The following ANO5 variants were observed in gnomAD, a reference collection of about 807,000 sequenced individuals.
ANO5 encodes anoctamin-5.
A neutral mutation model predicts 121.0 loss-of-function variants in ANO5; 109 were observed. That is an observed-to-expected ratio of 0.90 (90% CI 0.77 to 1.06). The LOEUF (loss-of-function observed/expected upper bound fraction) is 1.06. Ranked by LOEUF, ANO5 falls within the 50% of genes least tolerant of loss-of-function variation. The probability of loss-of-function intolerance (pLI) is 0.00; values close to 1 mark genes in which losing one functional copy is unlikely to be tolerated. For synonymous variants in ANO5, 406 were observed against 359.9 expected, an observed-to-expected ratio of 1.13 and a Z score of -1.45; for missense variants, 1,064 against 1,078.5, an observed-to-expected ratio of 0.99 and a Z score of 0.19.
At chr11:22,196,412 A>C (rs112109477) in intron 1 of ANO5, among the ~76,000 whole-genome samples, 196 of 152,148 alleles carry the variant, frequency 1.3e-3, no homozygotes, top group Non-Finnish European at 2.2e-3. Flanking sequence ...TCCTAATACC[A>C]TTACAATGAC....
intron 7 of ANO5, among the ~76,000 whole-genome samples, chr11:22,232,202 GTTCA>G (rs1428950841): frequency 6.6e-6 from 1 of 151,804 alleles, no homozygotes; most frequent in African/African-American, 2.4e-5. Flanking sequence ...ATGAACTTTT[GTTCA>G]TTCATTCTTT....
Position 22,257,748 on chromosome 11 carries a change from A to T in ANO5, c.1401A>T (p.Thr467=), listed in dbSNP as rs757450282. 6.2e-7 allele frequency: 1 copy of T among 1,609,690 alleles called. No homozygotes were observed. Among genetic ancestry groups the T allele is most frequent in the Non-Finnish European group, 8.5e-7 (1 of 1,176,172 alleles). ...ACTTTCTTTCAGGAGCCACAGTGAC[A>T]TTATGGGTGAGCATTTCTTTAAAAA... The part of the protein sequence containing the change: ...PWYFLSGATV[T]LWMSLVVTSM... Residue 467 remains threonine (T), a synonymous_variant, in exon 14 of 22, where the codon ACA becomes ACT. Transcript: ENST00000324559.
rs137996437 is a variant in ANO5 at position 22,261,040 on chromosome 11, C to T, written c.1631-1089C>T. On this transcript the variant is annotated intron_variant, in intron 15 of 21. Transcript: ENST00000324559. ...CAACACAATTCTGTTGGAAATCATC[C>T]CTGCCCTTGACATGAGCTTACTTTC... Among the ~76,000 whole-genome samples the T allele has an allele frequency of 2.6e-5, 4 of 152,224 alleles. No homozygotes were observed. The East Asian group carries it at 5.8e-4, about 22-fold the overall frequency.
rs1268028191 is a variant in ANO5, at chr11:22,274,587, A to T, written c.2254A>T (p.Thr752Ser). The change falls in exon 20 of 22, where the codon ACG becomes TCG. Residue 752 changes from threonine to serine, a missense_variant. By Grantham distance (58) the Thr-to-Ser change is moderately conservative. Transcript: ENST00000324559. ...VATNAFIVAF[T>S]SDIIPRLVYY... is the part of the protein sequence containing the mutation. ...TCTTCAGGCCTTTATTGTTGCATTT[A>T]CGTCAGACATCATTCCCCGTCTAGT... The T allele has an allele frequency of 6.3e-7, 1 of 1,599,812 alleles. No homozygotes were observed. The highest frequency in any genetic ancestry group is 8.5e-7 in the Non-Finnish European group (1 of 1,170,766).
chr11:22,203,080 T>C (rs1307305296), intron 1 of ANO5, among the ~76,000 whole-genome samples: 1 of 152,128 alleles, frequency 6.6e-6, no homozygotes, highest in Non-Finnish European at 1.5e-5. Context: ...CATTCGCCAG[T>C]TTTTCTATCG....
rs190094989 is a variant in ANO5, at chr11:22,246,690, C to A, written c.879-3547C>A. Among the ~76,000 whole-genome samples, 4 of 151,344 alleles carry A rather than the reference C, an allele frequency of 2.6e-5. No homozygotes were observed. In the South Asian group the frequency reaches 6.3e-4, roughly 24 times the overall value. On this transcript the variant is annotated intron_variant, in intron 9 of 21. Coordinates refer to ENST00000324559, the MANE Select transcript of ANO5 (RefSeq NM_213599.3). ...CGTTTCTACCTAAAAAATAATAATACTACTACTACAAAAATTACCCCAGCG... is the reference window on the plus strand; with the variant it reads ...CGTTTCTACCTAAAAAATAATAATAATACTACTACAAAAATTACCCCAGCG...
At chr11:22,206,285 G>T (rs1564911500) in intron 2 of ANO5, among the ~76,000 whole-genome samples, 1 of 151,948 alleles carries the variant, frequency 6.6e-6, no homozygotes, top group Non-Finnish European at 1.5e-5. Flanking sequence ...GCCAGGTAGG[G>T]TTTACTCTAT....
intron 9 of ANO5, among the ~76,000 whole-genome samples, chr11:22,242,738 T>C (rs1212330617): frequency 6.6e-6 from 1 of 152,116 alleles, no homozygotes; most frequent in African/African-American, 2.4e-5. Context: ...GTCCATTGCT[T>C]TTGGGTCCTG....
intron 17 of ANO5, among the ~76,000 whole-genome samples, chr11:22,264,556 G>A (rs12577192): frequency 0.13 from 19,451 of 151,424 alleles, 3,564 homozygotes; most frequent in African/African-American, 0.4. Context: ...TCAAAATGTG[G>A]TAATATTTAA....
At chr11:22,251,154 T>C in intron 12 of ANO5, 143 bp downstream of exon 12, 1 of 858,752 alleles carries the variant, frequency 1.2e-6, no homozygotes. Context: ...AATATACTGA[T>C]GGAGTGCATA....
chr11:22,198,386 G>A (rs1229474606), intron 1 of ANO5, among the ~76,000 whole-genome samples: 2 of 152,142 alleles, frequency 1.3e-5, no homozygotes, highest in Non-Finnish European at 2.9e-5. Context: ...GGAAGAAACA[G>A]TGTTAGTTCT....
intron 3 of ANO5, among the ~76,000 whole-genome samples, chr11:22,214,242 T>C (rs1852371598): frequency 6.6e-6 from 1 of 151,966 alleles, no homozygotes; most frequent in Non-Finnish European, 1.5e-5. Context: ...TTCCTTGGTA[T>C]ACCCCTATTA....
intron 17 of ANO5, among the ~76,000 whole-genome samples, chr11:22,268,544 T>C (rs1854454037): frequency 6.6e-6 from 1 of 152,214 alleles, no homozygotes; most frequent in Admixed American, 6.5e-5. Context: ...ACTTGGGTTT[T>C]CTATTCAGAC....
intron 1 of ANO5, among the ~76,000 whole-genome samples, chr11:22,201,213 C>T (rs755680600): frequency 2.0e-5 from 3 of 152,172 alleles, no homozygotes; most frequent in Non-Finnish European, 4.4e-5. Flanking sequence ...CCCTTGTCAG[C>T]TCGCTCATTC....
intron 6 of ANO5, among the ~76,000 whole-genome samples, 200 bp downstream of exon 6, chr11:22,226,252 C>G (rs899091751): frequency 2.0e-5 from 3 of 151,992 alleles, no homozygotes; most frequent in African/African-American, 7.2e-5. Flanking sequence ...ATAAATGGAA[C>G]ACTTTATAAA....
intron 9 of ANO5, among the ~76,000 whole-genome samples, chr11:22,243,747 G>A (rs983716232): frequency 2.0e-5 from 3 of 152,086 alleles, no homozygotes; most frequent in African/African-American, 4.8e-5. Flanking sequence ...GATTTCTGTA[G>A]GATTAGTTAT....
At chr11:22,246,257 T>G (rs1294402974) in intron 9 of ANO5, among the ~76,000 whole-genome samples, 26 of 152,188 alleles carry the variant, frequency 1.7e-4, no homozygotes, top group Admixed American at 1.6e-3. Flanking sequence ...TATTCTGCAT[T>G]AGGGCATTTA....
rs1363653111 is a variant in ANO5, at chr11:22,279,533, A to G, written c.2521-11A>G. On this transcript the variant is annotated splice_polypyrimidine_tract_variant and intron_variant, in intron 21 of 21. Coordinates refer to ENST00000324559, the MANE Select transcript of ANO5 (RefSeq NM_213599.3). ...TAACAGCGTCTAATCTTTCCTTTAT[A>G]TTTCCTCTAGCATGTTGTGTTTTTA... The G allele has an allele frequency of 6.2e-7, 1 of 1,600,956 alleles. No homozygotes were observed.
At position 22,193,086 on chromosome 11, in the gene ANO5, GA is replaced by G. The variant is rs1336619318; in HGVS notation, c.-404del. The G allele has an allele frequency of 1.9e-6, 2 of 1,075,346 alleles. No individual in the cohort carries two copies. The highest frequency in any genetic ancestry group is 3.4e-5 in the African/African-American group (2 of 59,334). The allele number at this position is 1,075,346 out of a possible 1,614,324, so 66.6% of individuals were successfully genotyped here. On this transcript the variant is annotated 5_prime_UTR_variant, in exon 1 of 22. Coordinates refer to ENST00000324559, the MANE Select transcript of ANO5 (RefSeq NM_213599.3). Reference sequence around the variant, plus strand: ...GGAAAGCTGCCAGAGGGCAGGAGTGGAAAGGATCCTGGCGAGCACCGGGAGG... The same window carrying G: ...GGAAAGCTGCCAGAGGGCAGGAGTGGAAGGATCCTGGCGAGCACCGGGAGG...
Sources: allele counts gnomAD v4.1 joint callset (sites outside exome capture counted in the v4.1 genomes callset), GRCh38; gene constraint gnomAD v4.1.1; transcripts MANE v1.5; gene names NCBI Gene and HGNC (gene_info 2026-07-23, HGNC 2026-07-21).